FGGY: variants seen among roughly 807,000 people sequenced by gnomAD.
FGGY encodes the protein FGGY carbohydrate kinase domain-containing protein.
A neutral mutation model predicts 71.3 loss-of-function variants in FGGY; 72 were observed. The observed-to-expected ratio is 1.01, with a 90% CI of 0.84 to 1.23. FGGY has a LOEUF of 1.23. FGGY is among the 50% of genes most tolerant of loss of function. The pLI is 0.00. For synonymous variants in FGGY, 251 were observed against 250.3 expected (o/e 1.00, Z -0.02); for missense variants, 668 against 682.3 (o/e 0.98, Z 0.23).
At chr1:59,605,672 T>C (rs1230038268) in intron 8 of FGGY, among the ~76,000 whole-genome samples, 10 of 152,198 alleles carry the variant, frequency 6.6e-5, no homozygotes, top group African/African-American at 9.7e-5. Flanking sequence ...GTTTTTGTTT[T>C]TTGCCTTCCT....
chr1:59,299,046 C>T (rs2042371068), intron 1 of FGGY, among the ~76,000 whole-genome samples: 1 of 152,156 alleles, frequency 6.6e-6, no homozygotes, highest in African/African-American at 2.4e-5. Context: ...GAGATGAGTA[C>T]ATTGAAAAGG....
intron 9 of FGGY, among the ~76,000 whole-genome samples, chr1:59,611,082 G>C (rs1027108537): frequency 8.5e-5 from 13 of 152,234 alleles, no homozygotes; most frequent in African/African-American, 3.1e-4. Context: ...CTCCACCTCT[G>C]AGGGCGGGGC....
chr1:59,565,056 G>A (rs982599536), intron 8 of FGGY, among the ~76,000 whole-genome samples: 8 of 152,170 alleles, frequency 5.3e-5, no homozygotes, highest in African/African-American at 1.9e-4. Context: ...AGGGAATGGG[G>A]TGGGATGGGG....
chr1:59,707,549 A>G (rs1332100069), intron 14 of FGGY, among the ~76,000 whole-genome samples: 3 of 152,220 alleles, frequency 2.0e-5, no homozygotes, highest in East Asian at 3.9e-4. Context: ...GCCGTTTTCA[A>G]CTGTACCCTG....
In FGGY at chr1:59,506,995, A is replaced by C. The variant is rs374344684; in HGVS notation, c.671-5316A>C. Among the ~76,000 whole-genome samples the C allele has an allele frequency of 1.1e-4, 17 of 152,312 alleles. No homozygotes were observed. In the East Asian group the frequency reaches 1.7e-3, roughly 16 times the overall value. ...TTGTTCTTACAGCTGTTAAAAGAAA[A>C]CCTTTAGGCAAATTAAATTTAACAG... On this transcript the variant is annotated intron_variant, in intron 6 of 15. Transcript: ENST00000303721.
At chr1:59,430,057 A>C (rs1282491014) in intron 5 of FGGY, among the ~76,000 whole-genome samples, 2 of 152,328 alleles carry the variant, frequency 1.3e-5, no homozygotes, top group East Asian at 3.9e-4. Flanking sequence ...CACTTTAAGA[A>C]GTAATAAGGA....
chr1:59,491,693 C>CTTTTTTTTTTTTTT (rs5774472), intron 6 of FGGY, among the ~76,000 whole-genome samples: 1 of 145,594 alleles, frequency 6.9e-6, no homozygotes, highest in Non-Finnish European at 1.5e-5. Context: ...TTTAGCTGTT[C>CTTTTTTTTTTTTTT]TTTTTTTTTT....
intron 4 of FGGY, among the ~76,000 whole-genome samples, chr1:59,363,795 C>G (rs1420091179): frequency 6.6e-6 from 1 of 152,154 alleles, no homozygotes; most frequent in Non-Finnish European, 1.5e-5. Flanking sequence ...ACAAAACATG[C>G]AATTTTCCTA....
Position 59,374,229 on chromosome 1 carries a change from A to T in FGGY, c.466-4520A>T, listed in dbSNP as rs186680639. On this transcript the variant is annotated intron_variant, in intron 4 of 15. Coordinates refer to ENST00000303721, the MANE Select transcript of FGGY (RefSeq NM_018291.5). ...CAAGAAAAAAACAAGCAACCCCATCAAAAAGTGGGTGCAGGACATGAACAG... is the reference window on the plus strand; with the variant it reads ...CAAGAAAAAAACAAGCAACCCCATCTAAAAGTGGGTGCAGGACATGAACAG... 1.9e-3 allele frequency among the ~76,000 whole-genome samples: 284 copies of T among 152,366 alleles called. 1 individual carries two copies. Among genetic ancestry groups the T allele is most frequent in the African/African-American group, 6.6e-3 (274 of 41,574 alleles).
intron 10 of FGGY, among the ~76,000 whole-genome samples, chr1:59,637,579 GCAACAAGA>G (rs1422116332): frequency 6.6e-6 from 1 of 152,024 alleles, no homozygotes; most frequent in Non-Finnish European, 1.5e-5. Flanking sequence ...TCCCACCTGG[GCAACAAGA>G]CTGAAACTCC....
rs181538929 is a variant in FGGY at position 59,463,890 on chromosome 1, A to T, written c.670+6814A>T. Among the ~76,000 whole-genome samples, 5 of 152,278 alleles carry T rather than the reference A, an allele frequency of 3.3e-5. No homozygotes were observed. In the East Asian group the frequency reaches 9.6e-4, roughly 29 times the overall value. On this transcript the variant is annotated intron_variant, in intron 6 of 15. Transcript: ENST00000303721. Reference sequence around the variant, plus strand: ...CAAGTGCTTAGAGACCTACAAAGAGATTTAGACTCCCACACAATAATAATG... The same window carrying T: ...CAAGTGCTTAGAGACCTACAAAGAGTTTTAGACTCCCACACAATAATAATG...
At chr1:59,452,020 A>G (rs1222135620) in intron 5 of FGGY, among the ~76,000 whole-genome samples, 1 of 151,896 alleles carries the variant, frequency 6.6e-6, no homozygotes, top group Non-Finnish European at 1.5e-5. Flanking sequence ...TCAGTTCAGT[A>G]TAATAAAATA....
At chr1:59,543,134 C>G (rs1473159083) in intron 7 of FGGY, among the ~76,000 whole-genome samples, 2 of 152,220 alleles carry the variant, frequency 1.3e-5, no homozygotes, top group Non-Finnish European at 2.9e-5. Flanking sequence ...CACTATTTAT[C>G]TAAGCTGTTG....
intron 8 of FGGY, among the ~76,000 whole-genome samples, chr1:59,561,189 G>A (rs1024219784): frequency 1.3e-5 from 2 of 152,104 alleles, no homozygotes; most frequent in African/African-American, 4.8e-5. Context: ...GGGTGGAGTG[G>A]GATGGGATTC....
chr1:59,634,401 G>T (rs1428791851), intron 10 of FGGY, among the ~76,000 whole-genome samples: 1 of 151,960 alleles, frequency 6.6e-6, no homozygotes, highest in African/African-American at 2.4e-5. Flanking sequence ...GCAAGACTCT[G>T]TCTGGAAAAA....
At chr1:59,421,500 C>T (rs1333273014) in intron 5 of FGGY, among the ~76,000 whole-genome samples, 3 of 120,768 alleles carry the variant, frequency 2.5e-5, no homozygotes, top group South Asian at 7.1e-4. Flanking sequence ...TCTCCCTCTC[C>T]CCCTCTCTCC....
intron 8 of FGGY, among the ~76,000 whole-genome samples, chr1:59,575,214 C>T (rs1025692611): frequency 4.6e-5 from 7 of 152,256 alleles, no homozygotes; most frequent in South Asian, 2.1e-4. Context: ...AAAACTTATT[C>T]CTCCTGTCTA....
chr1:59,502,194 C>T (rs1287991234), intron 6 of FGGY, among the ~76,000 whole-genome samples: 2 of 152,230 alleles, frequency 1.3e-5, no homozygotes, highest in Admixed American at 6.5e-5. Flanking sequence ...CTAACCTGAA[C>T]TCCCAAGTGC....
At chr1:59,357,710 TA>T (rs1394323464) in intron 4 of FGGY, among the ~76,000 whole-genome samples, 27 of 152,334 alleles carry the variant, frequency 1.8e-4, no homozygotes, top group Admixed American at 1.7e-3. Context: ...TACTGTTTTA[TA>T]TCCCCAGAGC....
Sources: allele counts gnomAD v4.1 joint callset (sites outside exome capture counted in the v4.1 genomes callset), GRCh38; gene constraint gnomAD v4.1.1; transcripts MANE v1.5; gene names NCBI Gene and HGNC (gene_info 2026-07-23, HGNC 2026-07-21).